RMDN1: variants seen among roughly 807,000 people sequenced by gnomAD.
The protein encoded by RMDN1 is regulator of microtubule dynamics protein 1.
In RMDN1, 48 loss-of-function variants were observed where a neutral mutation model predicts 48.9. The ratio of observed to expected loss-of-function variants is 0.98; its 90% confidence interval spans 0.78 to 1.25. The LOEUF is 1.25. Among genes scored for constraint, RMDN1 ranks in the 50% most tolerant of loss-of-function variants. RMDN1 has a pLI of 0.00. For synonymous variants in RMDN1, 148 were observed against 132.6 expected (o/e 1.12, Z -0.80); for missense variants, 418 against 373.4 (o/e 1.12, Z -0.98).
At chr8:86,509,681 A>AAG (rs1819938743), upstream of RMDN1, among the ~76,000 whole-genome samples, 1 of 152,166 alleles carries the variant, frequency 6.6e-6, no homozygotes, top group Non-Finnish European at 1.5e-5. Flanking sequence ...CTGTAACTCA[A>AAG]AGAGATGTAT....
intron 3 of RMDN1, among the ~76,000 whole-genome samples, chr8:86,487,137 T>C (rs574019462): frequency 6.6e-6 from 1 of 152,342 alleles, no homozygotes; most frequent in African/African-American, 2.4e-5. Flanking sequence ...AATGAATGAA[T>C]GGTTGAATAT....
Position 86,508,487 on chromosome 8 carries a change from G to A in RMDN1, c.129+5C>T. 1 of 1,544,918 alleles carries A rather than the reference G, an allele frequency of 6.5e-7. No individual in the cohort carries two copies. Among genetic ancestry groups the A allele is most frequent in the Non-Finnish European group, 8.7e-7 (1 of 1,145,348 alleles). Reference sequence around the variant, plus strand: ...GAGGAGCGGGAGCCAGGACCACGGGGGTACCTCGAAGCCGCGGAATCGACA... The same window carrying A: ...GAGGAGCGGGAGCCAGGACCACGGGAGTACCTCGAAGCCGCGGAATCGACA... On this transcript the variant is annotated splice_donor_5th_base_variant and intron_variant, in intron 1 of 9. Coordinates refer to ENST00000406452, the MANE Select transcript of RMDN1 (RefSeq NM_016033.3).
chr8:86,469,415 T>G (rs1812366708), downstream of RMDN1, among the ~76,000 whole-genome samples: 2 of 152,164 alleles, frequency 1.3e-5, no homozygotes, highest in Non-Finnish European at 2.9e-5. Context: ...GCCACAGCTT[T>G]GGGCATACCT....
chr8:86,482,828 G>C lies in RMDN1; in HGVS notation c.585+2044C>G. On this transcript the variant is annotated intron_variant, in intron 5 of 9. Transcript: ENST00000406452. ...AAAATGGAGACGGAGCCATCCTTTG[G>C]GGAGGTCACTGCGAGCTCTCTTTGC... 6.4e-6 allele frequency: 7 copies of C among 1,090,160 alleles called. No individual in the cohort carries two copies. The Admixed American group carries it at 1.2e-4, about 18-fold the overall frequency. The allele number at this position is 1,090,160 out of a possible 1,614,324, so 67.5% of individuals were successfully genotyped here. A position where few individuals can be genotyped will look rare whatever the true frequency, so the allele number is the denominator to read the frequency against.
At chr8:86,512,311 C>T (rs996292290), upstream of RMDN1, among the ~76,000 whole-genome samples, 1 of 152,168 alleles carries the variant, frequency 6.6e-6, no homozygotes, top group Non-Finnish European at 1.5e-5. Flanking sequence ...CCTTCATTTA[C>T]ATGTGAAAGT....
intron 2 of RMDN1, among the ~76,000 whole-genome samples, chr8:86,493,531 G>T (rs1309276591): frequency 6.6e-6 from 1 of 151,232 alleles, no homozygotes; most frequent in African/African-American, 2.4e-5. Context: ...TGTGTCATTT[G>T]TAAGAATGTG....
intron 5 of RMDN1, among the ~76,000 whole-genome samples, chr8:86,483,623 C>T (rs571989205): frequency 1.3e-5 from 2 of 152,262 alleles, no homozygotes; most frequent in African/African-American, 2.4e-5. Flanking sequence ...ACTATCCATA[C>T]CTGAACAAGA....
chr8:86,506,885 A>T, intron 2 of RMDN1, 110 bp downstream of exon 2: 1 of 650,172 alleles, frequency 1.5e-6, no homozygotes, highest in Non-Finnish European at 2.7e-6. Context: ...ATATTTCCAT[A>T]TGGATTTTCT....
intron 8 of RMDN1, 70 bp downstream of exon 8, chr8:86,477,224 C>T (rs1813527363): frequency 2.0e-5 from 22 of 1,103,336 alleles, no homozygotes; most frequent in Non-Finnish European, 2.6e-5. Context: ...TTAGACATTG[C>T]TATTATAGTA....
intron 2 of RMDN1, among the ~76,000 whole-genome samples, chr8:86,493,776 T>C (rs1473927569): frequency 6.6e-6 from 1 of 152,198 alleles, no homozygotes; most frequent in African/African-American, 2.4e-5. Context: ...TTATTTAAAA[T>C]CTTGTATAAA....
chr8:86,488,096 G>C (rs1012440795), intron 3 of RMDN1, among the ~76,000 whole-genome samples: 2 of 152,008 alleles, frequency 1.3e-5, no homozygotes, highest in African/African-American at 4.8e-5. Flanking sequence ...TAGAAAAAGG[G>C]GGTATTTTTG....
At chr8:86,469,110 T>C (rs1215314956), downstream of RMDN1, among the ~76,000 whole-genome samples, 1 of 151,716 alleles carries the variant, frequency 6.6e-6, no homozygotes, top group Non-Finnish European at 1.5e-5. Context: ...AACACAATTC[T>C]ATCTGTTAGA....
chr8:86,503,201 A>C (rs1309394591), intron 2 of RMDN1, among the ~76,000 whole-genome samples: 1 of 151,808 alleles, frequency 6.6e-6, no homozygotes, highest in Non-Finnish European at 1.5e-5. Context: ...AAAATACAAA[A>C]ATTAGCTAGG....
intron 2 of RMDN1, among the ~76,000 whole-genome samples, chr8:86,498,566 C>T (rs1438469187): frequency 9.2e-5 from 14 of 152,070 alleles, no homozygotes; most frequent in Non-Finnish European, 2.1e-4. Context: ...ATTGCTTGAG[C>T]TCAAGAGTTT....
downstream of RMDN1, chr8:86,472,247 C>A (rs2130323803): frequency 3.4e-6 from 2 of 593,802 alleles, no homozygotes; most frequent in South Asian, 4.2e-5. Context: ...AAATCTGAAA[C>A]CTGAAATTCG....
intron 5 of RMDN1, chr8:86,481,885 T>C (rs897703251): frequency 1.1e-4 from 86 of 765,950 alleles, no homozygotes; most frequent in Non-Finnish European, 1.7e-4. Flanking sequence ...GTAGATCTAA[T>C]ATGTTCAACA....
At chr8:86,482,447 T>G in intron 5 of RMDN1, 2 of 500,736 alleles carry the variant, frequency 4.0e-6, no homozygotes, top group Non-Finnish European at 7.4e-6. Context: ...CAGTCTTAAG[T>G]TGACAGCAAT....
At chr8:86,481,975 C>T in intron 5 of RMDN1, 8 of 875,614 alleles carry the variant, frequency 9.1e-6, no homozygotes, top group Non-Finnish European at 1.5e-5. Context: ...CAGAAATCCA[C>T]ATGTGGAAAT....
intron 2 of RMDN1, among the ~76,000 whole-genome samples, chr8:86,501,172 C>T (rs897568164): frequency 3.9e-5 from 6 of 152,132 alleles, no homozygotes; most frequent in Non-Finnish European, 8.8e-5. Flanking sequence ...ACGTGACAAA[C>T]CTGCACGTGT....
Sources: allele counts gnomAD v4.1 joint callset (sites outside exome capture counted in the v4.1 genomes callset), GRCh38; gene constraint gnomAD v4.1.1; transcripts MANE v1.5; gene names NCBI Gene and HGNC (gene_info 2026-07-23, HGNC 2026-07-21).